The following AIF1L variants were observed in gnomAD, a reference collection of about 807,000 sequenced individuals.
AIF1L encodes allograft inflammatory factor 1 like.
A neutral mutation model predicts 20.7 loss-of-function variants in AIF1L; 12 were observed. That is an observed-to-expected ratio of 0.58 (90% CI 0.37 to 0.94). AIF1L has a LOEUF of 0.94. Ranked by LOEUF, AIF1L falls within the 40% of genes least tolerant of loss-of-function variation. The probability of loss-of-function intolerance (pLI) is 0.01; values close to 1 mark genes in which losing one functional copy is unlikely to be tolerated. For synonymous variants in AIF1L, 76 were observed against 65.1 expected (o/e 1.17, Z -0.81); for missense variants, 173 against 185.3 (o/e 0.93, Z 0.39).
At chr9:131,103,107 A>G (rs1271564363) in intron 2 of AIF1L, 2 of 410,878 alleles carry the variant, frequency 4.9e-6, no homozygotes, top group African/African-American at 2.0e-5. Flanking sequence ...CCTCCTGGGC[A>G]TAGCACTTGG....
intron 4 of AIF1L, 85 bp downstream of exon 4, chr9:131,114,703 T>G (rs1472924530): frequency 2.1e-5 from 33 of 1,541,716 alleles, no homozygotes; most frequent in Non-Finnish European, 2.9e-5. Flanking sequence ...GTGAGGGGCA[T>G]GGGGCAGTCC....
intron 2 of AIF1L, among the ~76,000 whole-genome samples, chr9:131,103,531 G>A (rs1396309637): frequency 6.6e-6 from 1 of 152,138 alleles, no homozygotes; most frequent in Non-Finnish European, 1.5e-5. Flanking sequence ...AATCCTTACC[G>A]CAGGCCAGGC....
At chr9:131,111,726 G>C in intron 3 of AIF1L, 63 bp downstream of exon 3, 3 of 1,498,100 alleles carry the variant, frequency 2.0e-6, no homozygotes, top group South Asian at 1.1e-5. Context: ...CCTCATCCTT[G>C]CACACAGGAC....
In AIF1L at chr9:131,096,673, G is replaced by A. The variant is rs757545765; in HGVS notation, c.31+13G>A. 1 of 1,474,798 alleles carries A rather than the reference G, an allele frequency of 6.8e-7. No homozygotes were observed. Among genetic ancestry groups the A allele is most frequent in the South Asian group, 1.3e-5 (1 of 76,862 alleles). 91.4% of individuals were successfully genotyped at this position (1,474,798 alleles called of 1,614,324 possible). On this transcript the variant is annotated intron_variant, in intron 1 of 5. Transcript: ENST00000247291. ...AACAGGTTCCAAGGTAGGCGCCGCCGTCCCCGAGCAGCCACCTGTGCGCGC... is the reference window on the plus strand; with the variant it reads ...AACAGGTTCCAAGGTAGGCGCCGCCATCCCCGAGCAGCCACCTGTGCGCGC...
At chr9:131,103,096 C>T in intron 2 of AIF1L, 1 of 424,154 alleles carries the variant, frequency 2.4e-6, no homozygotes, top group Middle Eastern at 3.7e-4. Flanking sequence ...TGGAAACAGC[C>T]CCTCCTGGGC....
rs1191092805 is a variant in AIF1L at position 131,113,067 on chromosome 9, G to A, written c.160+1404G>A. On this transcript the variant is annotated intron_variant, in intron 3 of 5. Transcript: ENST00000247291. Reference sequence around the variant, plus strand: ...CCCGGGAGCCTGTGTTCTCGCTCGGGGGGCGGTGTGAGAGGTGGTGGGAGA... The same window carrying A: ...CCCGGGAGCCTGTGTTCTCGCTCGGAGGGCGGTGTGAGAGGTGGTGGGAGA... Among the ~76,000 whole-genome samples the A allele has an allele frequency of 3.9e-5, 6 of 152,092 alleles. No homozygotes were observed. The East Asian group carries it at 1.2e-3, about 29-fold the overall frequency.
At position 131,117,808 on chromosome 9, in the gene AIF1L, C is replaced by A. The variant is rs762654901; in HGVS notation, c.255C>A (p.His85Gln). Residue 85 changes from histidine (H) to glutamine (Q), a missense_variant, in exon 5 of 6, where the codon CAC (histidine) becomes CAA (glutamine). By Grantham distance (24) the His-to-Gln change is conservative (BLOSUM62 0). Transcript: ENST00000247291. The part of the protein sequence containing the change: ...MMEKLGVPKT[H>Q]LEMKKMISEV... ...AGAAGCTTGGTGTCCCCAAGACCCA[C>A]CTGGAGATGAAGAAGATGATCTCAG... 2.5e-6 allele frequency: 4 copies of A among 1,614,072 alleles called. No homozygotes were observed. Among genetic ancestry groups the A allele is most frequent in the Non-Finnish European group, 3.4e-6 (4 of 1,180,002 alleles).
rs983033226 is a variant in AIF1L, at chr9:131,121,006, G to C, written c.*684G>C. 6 of 646,932 alleles carry C rather than the reference G, an allele frequency of 9.3e-6. No homozygotes were observed. Among genetic ancestry groups the C allele is most frequent in the Non-Finnish European group, 1.7e-5 (6 of 347,584 alleles). The allele number at this position is 646,932 out of a possible 1,614,324, so 40.1% of individuals were successfully genotyped here. On this transcript the variant is annotated 3_prime_UTR_variant, in exon 6 of 6. Transcript: ENST00000247291. ...CCTGTGCAGGCAGCTGAGAGGCAGC[G>C]TGCAGCCCTACTGTCCCTTACTGGG...
intron 2 of AIF1L, chr9:131,106,286 C>T (rs183152978): frequency 7.0e-7 from 1 of 1,438,572 alleles, no homozygotes; most frequent in Non-Finnish European, 9.5e-7. Context: ...TAACCTGAGT[C>T]TCAACTCCTC....
At chr9:131,097,313 G>A (rs577680017) in intron 2 of AIF1L, among the ~76,000 whole-genome samples, 5 of 152,322 alleles carry the variant, frequency 3.3e-5, no homozygotes, top group African/African-American at 1.2e-4. Flanking sequence ...TCCACCTTTG[G>A]GATTCAAACG....
At position 131,117,883 on chromosome 9, in the gene AIF1L, C is replaced by T; in HGVS notation, c.330C>T (p.Asn110=). Residue 110 remains asparagine (N), a synonymous_variant, in exon 5 of 6, where the codon AAC becomes AAT. Transcript: ENST00000247291. ...SDTISYRDFV[N]MMLGKRSAVL... ...CTATATCCTACCGAGACTTTGTGAA[C>T]ATGATGCTGGGGAAACGGTCGGCTG... is the stretch of plus-strand genomic sequence containing the variant. 1.9e-6 allele frequency: 3 copies of T among 1,613,006 alleles called. No individual in the cohort carries two copies. Among genetic ancestry groups the T allele is most frequent in the South Asian group, 1.1e-5 (1 of 90,886 alleles).
At chr9:131,111,951 C>T (rs969430478) in intron 3 of AIF1L, 16 of 456,272 alleles carry the variant, frequency 3.5e-5, no homozygotes, top group Non-Finnish European at 5.2e-5. Flanking sequence ...GGCTGGTTCC[C>T]GTCCGCCGCT....
intron 5 of AIF1L, among the ~76,000 whole-genome samples, chr9:131,118,799 C>T (rs576306783): frequency 5.3e-5 from 8 of 152,216 alleles, no homozygotes; most frequent in South Asian, 4.2e-4. Context: ...CAGACCCCCT[C>T]GGCCTCCCAA....
Position 131,121,362 on chromosome 9 carries a change from G to T in AIF1L, c.*1040G>T. Reference sequence around the variant, plus strand: ...ACATCCTCCCATGTTGTCCTGGCATGTGCAGTATACACGGTCTAACTCATC... The same window carrying T: ...ACATCCTCCCATGTTGTCCTGGCATTTGCAGTATACACGGTCTAACTCATC... On this transcript the variant is annotated 3_prime_UTR_variant, in exon 6 of 6. Coordinates refer to ENST00000247291, the MANE Select transcript of AIF1L (RefSeq NM_031426.4). 1 of 507,040 alleles carries T rather than the reference G, an allele frequency of 2.0e-6. No individual in the cohort carries two copies. The highest frequency in any genetic ancestry group is 3.0e-5 in the South Asian group (1 of 33,518). The allele number at this position is 507,040 out of a possible 1,614,324, so 31.4% of individuals were successfully genotyped here. A position where few individuals can be genotyped will look rare whatever the true frequency, so the allele number is the denominator to read the frequency against.
intron 2 of AIF1L, among the ~76,000 whole-genome samples, chr9:131,105,104 G>C (rs1830716959): frequency 6.6e-6 from 1 of 152,218 alleles, no homozygotes; most frequent in Admixed American, 6.5e-5. Flanking sequence ...GCAGGGACGG[G>C]GGGAGGATGC....
rs554028423 is a variant in AIF1L, at chr9:131,102,045, T to G, written c.93+5182T>G. On this transcript the variant is annotated intron_variant, in intron 2 of 5. Coordinates refer to ENST00000247291, the MANE Select transcript of AIF1L (RefSeq NM_031426.4). ...GATTCCCCTGCCACAGCCTCCCGAG[T>G]AGCTGGGATTACAAGTGCCCACCAC... 3.9e-5 allele frequency among the ~76,000 whole-genome samples: 6 copies of G among 152,116 alleles called. No homozygotes were observed. In the South Asian group the frequency reaches 1.2e-3, roughly 32 times the overall value.
At chr9:131,112,800 G>A (rs1297952994) in intron 3 of AIF1L, among the ~76,000 whole-genome samples, 1 of 152,134 alleles carries the variant, frequency 6.6e-6, no homozygotes, top group African/African-American at 2.4e-5. Flanking sequence ...TAGGAGAGCT[G>A]TGAAAAAGAG....
intron 2 of AIF1L, among the ~76,000 whole-genome samples, chr9:131,109,169 A>G (rs1830818721): frequency 6.7e-6 from 1 of 148,864 alleles, no homozygotes; most frequent in African/African-American, 2.5e-5. Flanking sequence ...TGCTGTGTGC[A>G]CTGTGTCCCC....
At chr9:131,097,887 T>C (rs1390900482) in intron 2 of AIF1L, among the ~76,000 whole-genome samples, 2 of 152,354 alleles carry the variant, frequency 1.3e-5, no homozygotes, top group East Asian at 1.9e-4. Context: ...CTAGCATTAT[T>C]TCCTGAGGTG....
Sources: allele counts gnomAD v4.1 joint callset (sites outside exome capture counted in the v4.1 genomes callset), GRCh38; gene constraint gnomAD v4.1.1; transcripts MANE v1.5; gene names NCBI Gene and HGNC (gene_info 2026-07-23, HGNC 2026-07-21).